The following ITGBL1 variants were observed in gnomAD, a reference collection of about 807,000 sequenced individuals.
The protein encoded by ITGBL1 is integrin subunit beta like 1.
Under a neutral mutation model 68.5 loss-of-function variants are expected in ITGBL1, and 51 were observed. The ratio of observed to expected loss-of-function variants is 0.74; its 90% CI spans 0.59 to 0.94. The LOEUF is 0.94. Among genes scored for constraint, ITGBL1 ranks in the 40% least tolerant of loss-of-function variants. ITGBL1 has a pLI of 0.00. For synonymous variants in ITGBL1, 209 were observed against 227.3 expected (o/e 0.92, Z 0.72); for missense variants, 649 against 647.4 (o/e 1.00, Z -0.03).
chr13:101,459,811 A>G (rs12871031), intron 2 of ITGBL1, among the ~76,000 whole-genome samples: 1 of 152,238 alleles, frequency 6.6e-6, no homozygotes, highest in African/African-American at 2.4e-5. Context: ...GTGTTCAAAT[A>G]TTAACAATAT....
At chr13:101,507,272 T>A (rs2049041356) in intron 2 of ITGBL1, among the ~76,000 whole-genome samples, 1 of 152,204 alleles carries the variant, frequency 6.6e-6, no homozygotes, top group Admixed American at 6.5e-5. Flanking sequence ...TGCTTTGTTC[T>A]CTGCTTTACC....
At chr13:101,493,024 T>G (rs1217994055) in intron 2 of ITGBL1, among the ~76,000 whole-genome samples, 3 of 152,218 alleles carry the variant, frequency 2.0e-5, no homozygotes, top group Admixed American at 6.5e-5. Flanking sequence ...TAGTAGATGT[T>G]GTACAAAGTT....
chr13:101,595,669 G>A (rs2029917583), intron 6 of ITGBL1, among the ~76,000 whole-genome samples: 1 of 152,162 alleles, frequency 6.6e-6, no homozygotes, highest in African/African-American at 2.4e-5. Flanking sequence ...ACAACTGTTA[G>A]GATGGCTGTT....
chr13:101,537,928 T>C (rs1237586791), intron 2 of ITGBL1, among the ~76,000 whole-genome samples: 2 of 152,090 alleles, frequency 1.3e-5, no homozygotes, highest in Non-Finnish European at 2.9e-5. Flanking sequence ...GTTAATCCTA[T>C]GTCAAACTTT....
chr13:101,521,318 T>C (rs1302406758), intron 2 of ITGBL1, among the ~76,000 whole-genome samples: 1 of 152,152 alleles, frequency 6.6e-6, no homozygotes, highest in African/African-American at 2.4e-5. Flanking sequence ...TTCATTGTAA[T>C]ATGGGAAACA....
rs2050347472 is a variant in ITGBL1, at chr13:101,575,663, A to G, written c.586+117A>G. The G allele has an allele frequency of 3.0e-6, 3 of 984,130 alleles. No homozygotes were observed. The African/African-American group carries it at 4.9e-5, about 16-fold the overall frequency. The allele number at this position is 984,130 out of a possible 1,614,324, so 61.0% of individuals were successfully genotyped here. A position where few individuals can be genotyped will look rare whatever the true frequency, so the allele number is the denominator to read the frequency against. ...AGGTGTGCTAATGTAGTTTAAACCT[A>G]TGTTTATCTGGAAAACATTTCACAT... is the stretch of plus-strand genomic sequence containing the variant. On this transcript the variant is annotated intron_variant, in intron 4 of 10. Transcript: ENST00000376180.
intron 2 of ITGBL1, among the ~76,000 whole-genome samples, chr13:101,486,257 ATG>A (rs142310766): frequency 6.6e-6 from 1 of 152,310 alleles, no homozygotes; most frequent in Non-Finnish European, 1.5e-5. Context: ...AACCAAATAT[ATG>A]TTCTCACTTA....
chr13:101,571,329 C>A (rs1464070341), intron 3 of ITGBL1, among the ~76,000 whole-genome samples: 1 of 152,114 alleles, frequency 6.6e-6, no homozygotes, highest in East Asian at 1.9e-4. Context: ...ACTCACTGTA[C>A]CTCAATCATG....
At chr13:101,652,155 T>A (rs2032773433) in intron 7 of ITGBL1, among the ~76,000 whole-genome samples, 1 of 152,112 alleles carries the variant, frequency 6.6e-6, no homozygotes, top group Admixed American at 6.6e-5. Context: ...CACTTTATCT[T>A]AGCCAAAAGA....
chr13:101,600,345 A>G (rs1346213954), intron 7 of ITGBL1, among the ~76,000 whole-genome samples: 1 of 152,104 alleles, frequency 6.6e-6, no homozygotes, highest in Non-Finnish European at 1.5e-5. Context: ...GGGCTGAGAC[A>G]ATGGGGTTTT....
chr13:101,498,741 G>A (rs1001992095), intron 2 of ITGBL1, among the ~76,000 whole-genome samples: 13 of 152,072 alleles, frequency 8.5e-5, no homozygotes, highest in Admixed American at 7.2e-4. Flanking sequence ...TAGCATGAAC[G>A]GCCGCAGATG....
At chr13:101,548,843 A>G (rs529905954) in intron 2 of ITGBL1, among the ~76,000 whole-genome samples, 3 of 151,822 alleles carry the variant, frequency 2.0e-5, no homozygotes, top group African/African-American at 7.2e-5. Context: ...TTTACCTTAC[A>G]TTAATCTTTA....
At chr13:101,560,670 C>T (rs898252284) in intron 2 of ITGBL1, among the ~76,000 whole-genome samples, 1 of 152,166 alleles carries the variant, frequency 6.6e-6, no homozygotes, top group Non-Finnish European at 1.5e-5. Flanking sequence ...TTATGCATTA[C>T]ATCCCTCTGT....
chr13:101,452,955 A>C, intron 1 of ITGBL1, 24 bp downstream of exon 1: 3 of 1,582,248 alleles, frequency 1.9e-6, no homozygotes, highest in South Asian at 1.1e-5. Context: ...GTTATTCTTC[A>C]GTACAGACCT....
At chr13:101,478,605 A>G (rs1447163277) in intron 2 of ITGBL1, among the ~76,000 whole-genome samples, 7 of 152,060 alleles carry the variant, frequency 4.6e-5, no homozygotes, top group Admixed American at 6.6e-5. Flanking sequence ...CCAAAAAACT[A>G]TTAGAACTGA....
At chr13:101,581,317 T>A (rs989450462) in intron 5 of ITGBL1, among the ~76,000 whole-genome samples, 4 of 152,164 alleles carry the variant, frequency 2.6e-5, no homozygotes, top group Non-Finnish European at 5.9e-5. Flanking sequence ...ATTTATCCTA[T>A]TATGAGAGCA....
chr13:101,552,742 T>C (rs148826231), intron 2 of ITGBL1, among the ~76,000 whole-genome samples: 9 of 152,228 alleles, frequency 5.9e-5, no homozygotes, highest in African/African-American at 2.2e-4. Context: ...TTGAACTGAG[T>C]GAGAAGGAAA....
At chr13:101,519,103 C>T (rs1443457343) in intron 2 of ITGBL1, among the ~76,000 whole-genome samples, 8 of 152,032 alleles carry the variant, frequency 5.3e-5, no homozygotes, top group South Asian at 2.1e-4. Context: ...ATTAAAAATA[C>T]GTATGTTCAA....
Position 101,558,419 on chromosome 13 carries a change from A to G in ITGBL1, c.317-9280A>G, listed in dbSNP as rs151124635. On this transcript the variant is annotated intron_variant, in intron 2 of 10. Coordinates refer to ENST00000376180, the MANE Select transcript of ITGBL1 (RefSeq NM_004791.3). Reference sequence around the variant, plus strand: ...GAAGCTCAGTCCCCACCATTAGGCAATATACCCATGTAACAAACATGCACT... The same window carrying G: ...GAAGCTCAGTCCCCACCATTAGGCAGTATACCCATGTAACAAACATGCACT... Among the ~76,000 whole-genome samples, 947 of 152,278 alleles carry G rather than the reference A, an allele frequency of 6.2e-3. 12 individuals are homozygous for G. Among genetic ancestry groups the G allele is most frequent in the African/African-American group, 0.021 (885 of 41,562 alleles).
Sources: allele counts gnomAD v4.1 joint callset (sites outside exome capture counted in the v4.1 genomes callset), GRCh38; gene constraint gnomAD v4.1.1; transcripts MANE v1.5; gene names NCBI Gene and HGNC (gene_info 2026-07-23, HGNC 2026-07-21).